SLC37A1: variants seen among roughly 807,000 people sequenced by gnomAD.
The protein encoded by SLC37A1 is glucose-6-phosphate exchanger SLC37A1.
In SLC37A1, 49 loss-of-function variants were observed where a neutral mutation model predicts 75.3. The ratio of observed to expected loss-of-function variants is 0.65; its 90% CI spans 0.52 to 0.83. SLC37A1 has a LOEUF of 0.83. Ranked by LOEUF, SLC37A1 falls within the 40% of genes least tolerant of loss-of-function variation. SLC37A1 has a pLI of 0.00. For synonymous variants in SLC37A1, 268 were observed against 292.1 expected (o/e 0.92, Z 0.84); for missense variants, 566 against 695.0 (o/e 0.81, Z 2.09).
At chr21:42,579,148 G>A (rs972747880) in intron 18 of SLC37A1, among the ~76,000 whole-genome samples, 3 of 152,232 alleles carry the variant, frequency 2.0e-5, no homozygotes, top group South Asian at 2.1e-4. Context: ...TAAAGCTCTG[G>A]GTCCGGCGAG....
At chr21:42,566,581 C>CT (rs1246761034) in intron 15 of SLC37A1, among the ~76,000 whole-genome samples, 1 of 152,202 alleles carries the variant, frequency 6.6e-6, no homozygotes, top group Non-Finnish European at 1.5e-5. Context: ...GTGACCCCCC[C>CT]TCAGGCCAGA....
intron 18 of SLC37A1, chr21:42,575,724 T>C: frequency 2.0e-6 from 2 of 985,414 alleles, no homozygotes; most frequent in Non-Finnish European, 2.4e-6. Flanking sequence ...TTCAGAAATA[T>C]CAACTCACTC....
intron 3 of SLC37A1, among the ~76,000 whole-genome samples, chr21:42,531,943 C>T (rs1376765746): frequency 6.6e-6 from 1 of 152,060 alleles, no homozygotes; most frequent in Admixed American, 6.6e-5. Context: ...AGAGAGGCGC[C>T]CGGACTCACA....
At chr21:42,554,982 G>GTTTTT (rs57783969) in intron 10 of SLC37A1, among the ~76,000 whole-genome samples, 5 of 116,600 alleles carry the variant, frequency 4.3e-5, no homozygotes, top group East Asian at 2.7e-4. Context: ...TTGGTTGGTT[G>GTTTTT]TTTTTTTTTT....
At chr21:42,553,679 TC>T (rs1013520764) in intron 9 of SLC37A1, among the ~76,000 whole-genome samples, 122 of 151,510 alleles carry the variant, frequency 8.1e-4, no homozygotes, top group Middle Eastern at 3.4e-3. Context: ...TTTTTTTTTT[TC>T]CTTCAGAAGC....
At chr21:42,564,361 C>T (rs1467195540) in intron 13 of SLC37A1, among the ~76,000 whole-genome samples, 8 of 152,094 alleles carry the variant, frequency 5.3e-5, no homozygotes, top group African/African-American at 1.9e-4. Flanking sequence ...TGTGCTCCAG[C>T]CTGGGTGACA....
At chr21:42,559,285 A>G (rs902326895) in intron 11 of SLC37A1, among the ~76,000 whole-genome samples, 196 bp downstream of exon 11, 1 of 152,212 alleles carries the variant, frequency 6.6e-6, no homozygotes, top group African/African-American at 2.4e-5. Context: ...TGTTCGCCTC[A>G]TACCATGTTT....
chr21:42,530,709 CA>C (rs1294839112), intron 3 of SLC37A1, among the ~76,000 whole-genome samples: 4 of 151,358 alleles, frequency 2.6e-5, no homozygotes, highest in Non-Finnish European at 1.5e-5. Flanking sequence ...CACTGTCCTC[CA>C]GGGGGATTCA....
At chr21:42,557,920 C>T (rs1569025780) in intron 10 of SLC37A1, among the ~76,000 whole-genome samples, 1 of 152,170 alleles carries the variant, frequency 6.6e-6, no homozygotes, top group Non-Finnish European at 1.5e-5. Flanking sequence ...CCTTGAACCT[C>T]ATAGCTCACT....
rs758059489 is a variant in SLC37A1 at position 42,548,666 on chromosome 21, C to T, written c.768+1526C>T. On this transcript the variant is annotated intron_variant, in intron 9 of 19. Transcript: ENST00000352133. This position sits in a 1 kb window ranked among gnomAD's most constrained non-coding sequence, Gnocchi z 5.6. ...GCTCCCCAGAATCTCTTCTTCACACCGCACTTGCAGAGACTGTATTGATAC... is the reference window on the plus strand; with the variant it reads ...GCTCCCCAGAATCTCTTCTTCACACTGCACTTGCAGAGACTGTATTGATAC... Among the ~76,000 whole-genome samples, 68 of 152,198 alleles carry T rather than the reference C, an allele frequency of 4.5e-4. No homozygotes were observed. The highest frequency in any genetic ancestry group is 4.7e-4 in the Non-Finnish European group (32 of 68,036).
chr21:42,563,898 TCTG>T, intron 13 of SLC37A1, 21 bp downstream of exon 13: 2 of 1,614,000 alleles, frequency 1.2e-6, no homozygotes, highest in African/African-American at 1.3e-5. Flanking sequence ...TAAGACTTGT[TCTG>T]CTGCAACAAT....
intron 17 of SLC37A1, among the ~76,000 whole-genome samples, chr21:42,569,857 G>A (rs531011666): frequency 3.2e-4 from 48 of 152,370 alleles, no homozygotes; most frequent in African/African-American, 1.1e-3. Flanking sequence ...GGGCCCAGGC[G>A]GCTGACTGCA....
chr21:42,563,651 G>C (rs938471305), intron 12 of SLC37A1, among the ~76,000 whole-genome samples, 164 bp from the exon 13 acceptor site: 25 of 152,198 alleles, frequency 1.6e-4, no homozygotes, highest in Admixed American at 1.2e-3. Flanking sequence ...CATCCTTTCT[G>C]TGTTACTTGT....
In SLC37A1 at chr21:42,565,857, G is replaced by A. The variant is rs144541348; in HGVS notation, c.1252G>A (p.Gly418Arg). 1.8e-5 allele frequency: 29 copies of A among 1,613,922 alleles called. No homozygotes were observed. Among genetic ancestry groups the A allele is most frequent in the Non-Finnish European group, 2.5e-5 (29 of 1,179,982 alleles). Residue 418 changes from glycine (G) to arginine (R), a missense_variant, in exon 15 of 20, where the codon GGG becomes AGG. Physicochemically the swap from Gly to Arg is moderately radical, Grantham distance 125. Coordinates refer to ENST00000352133, the MANE Select transcript of SLC37A1 (RefSeq NM_001320537.2). ...LYIFSTVSKM[G>R]LEATIAMLLL... ...CATCTTCTCCACCGTCAGCAAGATG[G>A]GGCTTGAGGCCACCATCGGTGAGTA...
upstream of SLC37A1, among the ~76,000 whole-genome samples, chr21:42,513,306 C>T (rs1161935558): frequency 1.3e-5 from 2 of 152,254 alleles, no homozygotes; most frequent in African/African-American, 4.8e-5. Flanking sequence ...CTGCCTCTGT[C>T]ACGTGCCTGC....
At position 42,534,703 on chromosome 21, in the gene SLC37A1, G is replaced by A. The variant is rs1274845670; in HGVS notation, c.144G>A (p.Glu48=). ...SRKPISIVKG[E]LHKYCTAWDE... ...GCCCTCCCATCACGTCCCAGGGTGA[G>A]CTCCACAAGTACTGCACTGCTTGGG... Residue 48 remains glutamate (E), a synonymous_variant, in exon 4 of 20, where the codon GAG becomes GAA. Coordinates refer to ENST00000352133, the MANE Select transcript of SLC37A1 (RefSeq NM_001320537.2). The A allele has an allele frequency of 6.2e-7, 1 of 1,610,440 alleles. No homozygotes were observed. Among genetic ancestry groups the A allele is most frequent in the Admixed American group, 1.7e-5 (1 of 59,808 alleles).
At chr21:42,572,677 C>CACAAA (rs1378861804) in intron 17 of SLC37A1, among the ~76,000 whole-genome samples, 3 of 80,504 alleles carry the variant, frequency 3.7e-5, no homozygotes, top group South Asian at 3.9e-4. Context: ...CACACACACA[C>CACAAA]AAAAAAAAAA....
At chr21:42,579,675 C>T (rs570676870) in intron 18 of SLC37A1, 61 bp from the exon 19 acceptor site, 63 of 1,590,984 alleles carry the variant, frequency 4.0e-5, no homozygotes, top group Non-Finnish European at 5.1e-5. Context: ...ATGGTGCCCA[C>T]GGCGCGGGCC....
intron 8 of SLC37A1, among the ~76,000 whole-genome samples, chr21:42,544,841 T>C (rs1031534911): frequency 1.3e-4 from 20 of 152,196 alleles, no homozygotes; most frequent in Non-Finnish European, 1.5e-5. Context: ...CTCCAAGTGT[T>C]TGAGACACCA....
Sources: gnomAD v4.1 joint callset for allele counts (sites outside exome capture counted in the v4.1 genomes callset) on GRCh38, gnomAD v4.1.1 for gene constraint, Gnocchi (gnomAD v3.1) non-coding constraint, MANE v1.5 for transcripts, NCBI Gene and HGNC (gene_info 2026-07-23, HGNC 2026-07-21) for gene names.